Variants in DLG5 observed in about 807,000 individuals in gnomAD.
DLG5 encodes disks large homolog 5.
In DLG5, 48 loss-of-function variants were observed where a neutral mutation model predicts 189.8. The observed-to-expected ratio is 0.25, with a 90% CI of 0.20 to 0.32. The LOEUF is 0.32. Ranked by LOEUF, DLG5 falls within the 10% of genes least tolerant of loss-of-function variation. The pLI, the probability that DLG5 is intolerant of heterozygous loss-of-function variation, is 1.00. For synonymous variants in DLG5, 1,016 were observed against 1,054.1 expected, an observed-to-expected ratio of 0.96 and a Z score of 0.70; for missense variants, 2,160 against 2,544.7, an observed-to-expected ratio of 0.85 and a Z score of 3.25.
intron 17 of DLG5, 96 bp from the exon 18 acceptor site, chr10:77,817,985 C>T (rs1291175475): frequency 1.1e-5 from 11 of 1,046,698 alleles, no homozygotes; most frequent in South Asian, 3.0e-5. Flanking sequence ...GGTTCCCAAG[C>T]GGGCAGAAGG....
rs548669473 is a variant in DLG5, at chr10:77,861,939, C to G, written c.374-5047G>C. On this transcript the variant is annotated intron_variant, in intron 2 of 31. Transcript: ENST00000372391. Reference sequence around the variant, plus strand: ...CTCTCAGACCCAGCAGAAAGTGCAGCCGATGCCTCCGGCCTTTTGTAATTG... The same window carrying G: ...CTCTCAGACCCAGCAGAAAGTGCAGGCGATGCCTCCGGCCTTTTGTAATTG... Among the ~76,000 whole-genome samples the G allele has an allele frequency of 2.1e-3, 320 of 152,304 alleles. 1 individual carries two copies. The highest frequency in any genetic ancestry group is 7.5e-3 in the African/African-American group (312 of 41,566).
At chr10:77,854,448 G>A in intron 3 of DLG5, 78 bp from the exon 4 acceptor site, 1 of 1,575,224 alleles carries the variant, frequency 6.3e-7, no homozygotes, top group Non-Finnish European at 8.6e-7. Context: ...CCTGGATTAG[G>A]CCAGCCCAGT....
At chr10:77,892,369 A>G (rs1845635132) in intron 1 of DLG5, among the ~76,000 whole-genome samples, 1 of 152,228 alleles carries the variant, frequency 6.6e-6, no homozygotes, top group South Asian at 2.1e-4. Context: ...AGGTACATGT[A>G]TGGAATGCAA....
intron 5 of DLG5, among the ~76,000 whole-genome samples, chr10:77,851,349 G>A (rs953178819): frequency 6.6e-6 from 1 of 152,170 alleles, no homozygotes; most frequent in Non-Finnish European, 1.5e-5. Flanking sequence ...ATGGGTTGTG[G>A]GCAGTACTGA....
chr10:77,892,889 G>A (rs779659526), intron 1 of DLG5, among the ~76,000 whole-genome samples: 3 of 152,260 alleles, frequency 2.0e-5, no homozygotes, highest in Non-Finnish European at 4.4e-5. Context: ...ACCAGCCAAG[G>A]ACAAACAAAG....
At chr10:77,799,656 T>G (rs745916764) in intron 27 of DLG5, among the ~76,000 whole-genome samples, 1 of 152,206 alleles carries the variant, frequency 6.6e-6, no homozygotes, top group Non-Finnish European at 1.5e-5. Context: ...GTTGCCAGGC[T>G]GAAGTGGAGT....
At chr10:77,853,659 G>C in intron 4 of DLG5, 122 bp from the exon 5 acceptor site, 1 of 1,049,494 alleles carries the variant, frequency 9.5e-7, no homozygotes, top group Non-Finnish European at 1.3e-6. Flanking sequence ...GGAGCCAATG[G>C]CAGGTAGGTC....
rs1475237721 is a variant in DLG5, at chr10:77,817,842, C to T, written c.3719G>A (p.Cys1240Tyr). The T allele has an allele frequency of 4.5e-6, 7 of 1,554,464 alleles. No individual in the cohort carries two copies. Reference protein sequence around the residue: ...RLSLDLSHRTCSDYSEMRATH... With the variant: ...RLSLDLSHRTYSDYSEMRATH... ...GGCTCTCATCTCGGAGTAGTCGCTG[C>T]AGGTCCTGTGGCTCAGGTCCAGGCT... Residue 1240 changes from cysteine (C) to tyrosine (Y), a missense_variant, in exon 18 of 32, where the codon TGC (cysteine) becomes TAC (tyrosine). Transcript: ENST00000372391.
upstream of DLG5, among the ~76,000 whole-genome samples, chr10:77,930,967 T>C (rs1220987126): frequency 2.0e-5 from 3 of 151,756 alleles, no homozygotes; most frequent in Non-Finnish European, 4.4e-5. Flanking sequence ...ATTACAGGCA[T>C]GTGCCACCAC....
chr10:77,812,297 T>C lies in DLG5; in HGVS notation c.4106A>G (p.Lys1369Arg), dbSNP rs749461950. 1.9e-6 allele frequency: 3 copies of C among 1,614,202 alleles called. No homozygotes were observed. The Admixed American group carries it at 5.0e-5, about 27-fold the overall frequency. The change falls in exon 21 of 32, where the codon AAG (lysine) becomes AGG (arginine). Residue 1369 changes from lysine to arginine, a missense_variant. By Grantham distance (26) the Lys-to-Arg change is conservative. Coordinates refer to ENST00000372391, the MANE Select transcript of DLG5 (RefSeq NM_004747.4). ...PLGISIVSGEKGGIYVSKVTV... is the reference protein window; with the variant it reads ...PLGISIVSGERGGIYVSKVTV... Reference sequence around the variant, plus strand: ...CACCTTGGAGACGTAGATGCCGCCCTTCTCTCCACTCACGATGGAGATGCC... The same window carrying C: ...CACCTTGGAGACGTAGATGCCGCCCCTCTCTCCACTCACGATGGAGATGCC...
chr10:77,890,337 C>G (rs78285751), intron 1 of DLG5, among the ~76,000 whole-genome samples: 5,659 of 152,262 alleles, frequency 0.037, 250 homozygotes, highest in East Asian at 0.26. Context: ...TTGTGCTCGT[C>G]ACTTCCTCTC....
chr10:77,813,126 C>A lies in DLG5; in HGVS notation c.4026-749G>T, dbSNP rs368528539. 2.6e-4 allele frequency among the ~76,000 whole-genome samples: 40 copies of A among 152,354 alleles called. 1 individual carries two copies. The East Asian group carries it at 5.6e-3, about 21-fold the overall frequency. On this transcript the variant is annotated intron_variant, in intron 20 of 31. Transcript: ENST00000372391. ...AGAGGAGAAAGACAATCAGAGACAC[C>A]TGGAACATAACAGAAAAGACAGTCA...
intron 5 of DLG5, among the ~76,000 whole-genome samples, chr10:77,846,203 C>T (rs1843683681): frequency 6.6e-6 from 1 of 151,968 alleles, no homozygotes; most frequent in African/African-American, 2.4e-5. Context: ...CGAGATCACG[C>T]CATGGCACTC....
chr10:77,905,054 G>A (rs1230340205), intron 1 of DLG5, among the ~76,000 whole-genome samples: 10 of 148,698 alleles, frequency 6.7e-5, no homozygotes, highest in African/African-American at 2.1e-4. Flanking sequence ...ACTTGAACCC[G>A]GGAGGCAGAA....
rs1175599082 is a variant in DLG5 at position 77,829,545 on chromosome 10, A to C, written c.2010-15T>G. 1.3e-6 allele frequency: 2 copies of C among 1,586,936 alleles called. No homozygotes were observed. Among genetic ancestry groups the C allele is most frequent in the Non-Finnish European group, 1.7e-6 (2 of 1,164,386 alleles). ...AGTCATTGACCCTGAGAAAGGGCAC[A>C]GCCAGTTCAGCACCCACACAGGCTG... On this transcript the variant is annotated splice_polypyrimidine_tract_variant and intron_variant, in intron 11 of 31. Transcript: ENST00000372391.
chr10:77,831,466 G>A (rs983657218), intron 9 of DLG5, among the ~76,000 whole-genome samples: 17 of 152,118 alleles, frequency 1.1e-4, no homozygotes, highest in Middle Eastern at 3.4e-3. Context: ...AGATATAGAC[G>A]GCTATTCTAA....
intron 7 of DLG5, among the ~76,000 whole-genome samples, chr10:77,839,018 T>C (rs1198099567): frequency 6.6e-6 from 1 of 152,196 alleles, no homozygotes; most frequent in Non-Finnish European, 1.5e-5. Flanking sequence ...CAACACCCCC[T>C]GTGGAGGATG....
intron 1 of DLG5, among the ~76,000 whole-genome samples, chr10:77,880,383 G>A (rs1333786567): frequency 6.6e-6 from 1 of 152,202 alleles, no homozygotes; most frequent in Non-Finnish European, 1.5e-5. Context: ...GAACCCAGGA[G>A]GCGGAGGTTG....
chr10:77,895,107 G>T (rs755942317), intron 1 of DLG5, among the ~76,000 whole-genome samples: 45 of 152,158 alleles, frequency 3.0e-4, no homozygotes, highest in Non-Finnish European at 5.9e-4. Context: ...AGTCCATCAG[G>T]GCTCACTCTG....
Sources: gnomAD v4.1 joint callset for allele counts (sites outside exome capture counted in the v4.1 genomes callset) on GRCh38, gnomAD v4.1.1 for gene constraint, MANE v1.5 for transcripts, NCBI Gene and HGNC (gene_info 2026-07-23, HGNC 2026-07-21) for gene names.